Variants in GALNT2 observed in about 807,000 individuals in gnomAD.
GALNT2 encodes the protein polypeptide N-acetylgalactosaminyltransferase 2.
A neutral mutation model predicts 81.4 loss-of-function variants in GALNT2; 31 were observed. The ratio of observed to expected loss-of-function variants is 0.38; its 90% CI spans 0.29 to 0.51. The LOEUF (loss-of-function observed/expected upper bound fraction) is 0.51. GALNT2 is among the 20% of genes least tolerant of loss of function. The probability of loss-of-function intolerance (pLI) is 0.87; values close to 1 mark genes in which losing one functional copy is unlikely to be tolerated. For synonymous variants in GALNT2, 303 were observed against 287.4 expected (o/e 1.05, Z -0.55); for missense variants, 629 against 765.7 (o/e 0.82, Z 2.11).
At chr1:230,126,275 G>A (rs943068409) in intron 1 of GALNT2, among the ~76,000 whole-genome samples, 3 of 152,176 alleles carry the variant, frequency 2.0e-5, no homozygotes, top group Non-Finnish European at 4.4e-5. Context: ...ACACAGGCAG[G>A]GCCAGTTCGG....
At chr1:230,192,423 C>G in intron 2 of GALNT2, among the ~76,000 whole-genome samples, 1 of 152,170 alleles carries the variant, frequency 6.6e-6, no homozygotes, top group East Asian at 1.9e-4. Context: ...GTCTTTCTCT[C>G]CTTCTGTCTT....
At chr1:230,097,824 G>A (rs1354919344) in intron 1 of GALNT2, among the ~76,000 whole-genome samples, 2 of 152,176 alleles carry the variant, frequency 1.3e-5, no homozygotes, top group Non-Finnish European at 2.9e-5. Context: ...CGCACCAAAT[G>A]TACATTATAT....
intron 6 of GALNT2, among the ~76,000 whole-genome samples, chr1:230,238,525 G>A (rs1665099975): frequency 6.6e-6 from 1 of 152,186 alleles, no homozygotes; most frequent in South Asian, 2.1e-4. Flanking sequence ...AAGAGGCTAG[G>A]TGGCTTTCTC....
intron 1 of GALNT2, among the ~76,000 whole-genome samples, chr1:230,069,152 C>G (rs1659296370): frequency 6.6e-6 from 1 of 152,202 alleles, no homozygotes; most frequent in Non-Finnish European, 1.5e-5. Context: ...TGCTCGTTCG[C>G]CTCCCGGAGG....
intron 1 of GALNT2, among the ~76,000 whole-genome samples, chr1:230,092,741 A>G (rs969607748): frequency 6.6e-6 from 1 of 152,214 alleles, no homozygotes; most frequent in African/African-American, 2.4e-5. Context: ...TAAGCAACAT[A>G]TATCTCTAAA....
intron 10 of GALNT2, among the ~76,000 whole-genome samples, chr1:230,254,648 A>G (rs1233063946): frequency 1.3e-5 from 2 of 152,246 alleles, no homozygotes; most frequent in Non-Finnish European, 2.9e-5. Context: ...AGAAAAGCCA[A>G]GATGCATCCT....
chr1:230,128,480 C>CT (rs761389857), intron 1 of GALNT2, among the ~76,000 whole-genome samples: 67 of 152,072 alleles, frequency 4.4e-4, no homozygotes, highest in Non-Finnish European at 1.6e-4. Flanking sequence ...CAGTGGGCCA[C>CT]TTGGGTCTTG....
At position 230,270,475 on chromosome 1, in the gene GALNT2, A is replaced by T. The variant is rs185515194; in HGVS notation, c.1441-3970A>T. ...ACATTGTGGCAACTGGGCACTTGAA[A>T]TATGACTAGTGTGAATTACAAGTTT... On this transcript the variant is annotated intron_variant, in intron 14 of 15. Coordinates refer to ENST00000366672, the MANE Select transcript of GALNT2 (RefSeq NM_004481.5). Among the ~76,000 whole-genome samples the T allele has an allele frequency of 5.3e-5, 8 of 152,368 alleles. No individual in the cohort carries two copies. The East Asian group carries it at 1.5e-3, about 29-fold the overall frequency.
At chr1:230,072,732 A>AC (rs972052454) in intron 1 of GALNT2, among the ~76,000 whole-genome samples, 6 of 151,950 alleles carry the variant, frequency 3.9e-5, no homozygotes, top group Non-Finnish European at 8.8e-5. Flanking sequence ...CTGCCTTGAG[A>AC]CCCCCTGAGT....
intron 8 of GALNT2, among the ~76,000 whole-genome samples, chr1:230,247,439 G>A (rs770097582): frequency 2.6e-5 from 4 of 152,196 alleles, no homozygotes; most frequent in Non-Finnish European, 5.9e-5. Context: ...AGGGCATAAT[G>A]GAATTAGACA....
intron 2 of GALNT2, among the ~76,000 whole-genome samples, chr1:230,200,283 C>T (rs1019483652): frequency 3.9e-5 from 6 of 152,044 alleles, no homozygotes; most frequent in Non-Finnish European, 7.4e-5. Context: ...AGGCTGGTCT[C>T]GAACGCCTGG....
chr1:230,217,899 T>C (rs372130591), intron 3 of GALNT2, among the ~76,000 whole-genome samples: 1 of 152,226 alleles, frequency 6.6e-6, no homozygotes, highest in Non-Finnish European at 1.5e-5. Flanking sequence ...GGCTGTTAAG[T>C]TGCAACACCT....
At chr1:230,076,648 T>C (rs1055057115) in intron 1 of GALNT2, among the ~76,000 whole-genome samples, 18 of 152,144 alleles carry the variant, frequency 1.2e-4, no homozygotes, top group African/African-American at 4.3e-4. Flanking sequence ...TGTGGGAAGT[T>C]GTGGCTGGTC....
intron 2 of GALNT2, among the ~76,000 whole-genome samples, chr1:230,182,855 G>T (rs1346556646): frequency 6.6e-6 from 1 of 152,122 alleles, no homozygotes; most frequent in Non-Finnish European, 1.5e-5. Context: ...ATAACAGTGA[G>T]TTCATTTATT....
chr1:230,222,031 C>CTCTTTTTTTTTTTTTTTTTTTTTTTTT (rs1553270493), intron 3 of GALNT2, among the ~76,000 whole-genome samples: 3 of 96,120 alleles, frequency 3.1e-5, no homozygotes, highest in African/African-American at 1.0e-4. Context: ...CTGCTTTTCT[C>CTCTTTTTTTTTTTTTTTTTTTTTTTTT]TTTTTTTTTT....
chr1:230,202,140 C>T (rs962363744), intron 2 of GALNT2, among the ~76,000 whole-genome samples: 2 of 152,034 alleles, frequency 1.3e-5, no homozygotes, highest in Non-Finnish European at 2.9e-5. Context: ...ATAGCGTATC[C>T]GAGATCATAT....
chr1:230,154,485 G>A (rs564251728), intron 1 of GALNT2, among the ~76,000 whole-genome samples: 2 of 152,344 alleles, frequency 1.3e-5, no homozygotes, highest in African/African-American at 4.8e-5. Flanking sequence ...TTCTGGGAGA[G>A]AAGGTAGTAT....
rs926749778 is a variant in GALNT2 at position 230,257,898 on chromosome 1, G to A, written c.1136+2554G>A. Among the ~76,000 whole-genome samples the A allele has an allele frequency of 6.6e-6, 1 of 152,132 alleles. No homozygotes were observed. Among genetic ancestry groups the A allele is most frequent in the Non-Finnish European group, 1.5e-5 (1 of 68,020 alleles). On this transcript the variant is annotated intron_variant, in intron 11 of 15. Transcript: ENST00000366672. The surrounding 1 kb of genome is among the most constrained non-coding windows in gnomAD (Gnocchi z 4.6). The stretch of plus-strand genomic sequence containing the variant: ...GCCTTGGGGTGGGTGTGGGTGTGGG[G>A]ATTGCTAGCTTATCTTTTGTCTAGT...
chr1:230,064,775 G>A (rs1366906593), upstream of GALNT2, among the ~76,000 whole-genome samples: 2 of 152,182 alleles, frequency 1.3e-5, no homozygotes, highest in Non-Finnish European at 2.9e-5. Context: ...GCCTCCCAAA[G>A]TGCTGGGATT....
Sources: gnomAD v4.1 joint callset for allele counts (sites outside exome capture counted in the v4.1 genomes callset) on GRCh38, gnomAD v4.1.1 for gene constraint, Gnocchi (gnomAD v3.1) non-coding constraint, MANE v1.5 for transcripts, NCBI Gene and HGNC (gene_info 2026-07-23, HGNC 2026-07-21) for gene names.